Variants in NSUN2 observed in about 807,000 individuals in gnomAD.
NSUN2 encodes the protein RNA cytosine C(5)-methyltransferase NSUN2.
In NSUN2, 63 loss-of-function variants were observed where a neutral mutation model predicts 92.7. The observed-to-expected ratio is 0.68, with a 90% confidence interval of 0.56 to 0.84. The LOEUF is 0.84. NSUN2 is among the 40% of genes least tolerant of loss of function. The pLI is 0.00. For missense variants in NSUN2, 989 were observed against 964.9 expected, an observed-to-expected ratio of 1.02 and a Z score of -0.33; for synonymous variants, 356 against 348.3, an observed-to-expected ratio of 1.02 and a Z score of -0.25.
chr5:6,606,527 C>T (rs1237369991), intron 14 of NSUN2, among the ~76,000 whole-genome samples: 3 of 152,018 alleles, frequency 2.0e-5, no homozygotes, highest in African/African-American at 7.2e-5. Context: ...CCTCGTGCTC[C>T]GCCCGTCTCG....
intron 4 of NSUN2, 45 bp from the exon 5 acceptor site, chr5:6,623,330 A>AT: frequency 6.5e-7 from 1 of 1,538,694 alleles, no homozygotes; most frequent in Middle Eastern, 2.4e-4. Context: ...AAAAAAAAAA[A>AT]AACCGCAGAC....
chr5:6,602,106 C>G (rs945830891), intron 18 of NSUN2, among the ~76,000 whole-genome samples: 4 of 152,216 alleles, frequency 2.6e-5, no homozygotes, highest in African/African-American at 9.6e-5. Context: ...CATGGCTGAA[C>G]CAGCCATGAG....
At chr5:6,615,296 C>CA (rs1737163180) in intron 9 of NSUN2, among the ~76,000 whole-genome samples, 1 of 152,186 alleles carries the variant, frequency 6.6e-6, no homozygotes, top group Admixed American at 6.5e-5. Context: ...GCAAGGGAAA[C>CA]AGGAGGTGTC....
chr5:6,609,594 G>T (rs1228926812), intron 12 of NSUN2, among the ~76,000 whole-genome samples: 1 of 152,168 alleles, frequency 6.6e-6, no homozygotes, highest in Non-Finnish European at 1.5e-5. Context: ...AGTGTGGCAG[G>T]AATACATTCC....
At chr5:6,605,854 C>A (rs1736747110) in intron 14 of NSUN2, among the ~76,000 whole-genome samples, 1 of 99,342 alleles carries the variant, frequency 1.0e-5, no homozygotes, top group Non-Finnish European at 2.6e-5. Flanking sequence ...GCCACCACAC[C>A]TAATTTTTTT....
Position 6,599,843 on chromosome 5 carries a change from C to T in NSUN2, c.*83G>A. On this transcript the variant is annotated 3_prime_UTR_variant, in exon 19 of 19. Transcript: ENST00000264670. ...TATGCTTTACAGGCCACAGGCTGCT[C>T]TGGATTTGGTTTCAGACACCAGTGA... 1 of 1,245,748 alleles carries T rather than the reference C, an allele frequency of 8.0e-7. No homozygotes were observed. Among genetic ancestry groups the T allele is most frequent in the Non-Finnish European group, 1.1e-6 (1 of 877,620 alleles). 77.2% of individuals were successfully genotyped at this position (1,245,748 alleles called of 1,614,324 possible). A position where few individuals can be genotyped will look rare whatever the true frequency, so the allele number is the denominator to read the frequency against.
intron 5 of NSUN2, 92 bp from the exon 6 acceptor site, chr5:6,622,192 C>G: frequency 1.0e-6 from 1 of 983,198 alleles, no homozygotes; most frequent in Admixed American, 2.0e-5. Context: ...AATTTCTAGT[C>G]CAAGATCTAA....
chr5:6,605,966 G>A (rs1210113818), intron 14 of NSUN2, among the ~76,000 whole-genome samples: 1 of 151,978 alleles, frequency 6.6e-6, no homozygotes, highest in African/African-American at 2.4e-5. Context: ...GTGCTGGGAT[G>A]TGCCCGGCTG....
chr5:6,631,667 T>C (rs1234877407), intron 3 of NSUN2, among the ~76,000 whole-genome samples: 2 of 152,236 alleles, frequency 1.3e-5, no homozygotes, highest in African/African-American at 4.8e-5. Flanking sequence ...CTGAAATCAG[T>C]GACTCATAAA....
rs146647847 is a variant in NSUN2, at chr5:6,607,495, C to A, written c.1324-111G>T. On this transcript the variant is annotated intron_variant, in intron 12 of 18. Transcript: ENST00000264670. ...ATCCATCAGTTATATTTTTCTACAGCATTATATGTAGAGAAAGACAACAGA... is the reference window on the plus strand; with the variant it reads ...ATCCATCAGTTATATTTTTCTACAGAATTATATGTAGAGAAAGACAACAGA... 16 of 910,562 alleles carry A rather than the reference C, an allele frequency of 1.8e-5. No homozygotes were observed. In the African/African-American group the frequency reaches 2.3e-4, roughly 13 times the overall value. 56.4% of individuals were successfully genotyped at this position (910,562 alleles called of 1,614,324 possible). A position where few individuals can be genotyped will look rare whatever the true frequency, so the allele number is the denominator to read the frequency against.
intron 3 of NSUN2, among the ~76,000 whole-genome samples, chr5:6,629,996 G>A (rs769525754): frequency 5.3e-5 from 8 of 152,194 alleles, no homozygotes; most frequent in Non-Finnish European, 8.8e-5. Context: ...CCTTATAACA[G>A]TGTGAAAATG....
At chr5:6,606,604 A>G (rs926246696) in intron 14 of NSUN2, among the ~76,000 whole-genome samples, 1 of 151,608 alleles carries the variant, frequency 6.6e-6, no homozygotes, top group African/African-American at 2.4e-5. Context: ...TTTATCTATC[A>G]TGTTCACAAA....
At chr5:6,616,522 A>G (rs2126490714) in intron 9 of NSUN2, among the ~76,000 whole-genome samples, 1 of 152,298 alleles carries the variant, frequency 6.6e-6, no homozygotes. Context: ...GCTACTGTTT[A>G]AAGGAGTTCA....
At chr5:6,622,812 A>G (rs1737499722) in intron 5 of NSUN2, among the ~76,000 whole-genome samples, 1 of 148,788 alleles carries the variant, frequency 6.7e-6, no homozygotes, top group Non-Finnish European at 1.5e-5. Flanking sequence ...GCGCCACTGC[A>G]CTCCAGCCTG....
chr5:6,601,907 C>T (rs1292596510), intron 18 of NSUN2, among the ~76,000 whole-genome samples: 1 of 152,160 alleles, frequency 6.6e-6, no homozygotes, highest in Non-Finnish European at 1.5e-5. Context: ...AACTTTCTGT[C>T]CCGGCTTCCT....
In NSUN2 at chr5:6,617,994, A is replaced by T. The variant is rs745588270; in HGVS notation, c.846T>A (p.Asp282Glu). The T allele has an allele frequency of 1.2e-6, 2 of 1,613,854 alleles. No homozygotes were observed. Among genetic ancestry groups the T allele is most frequent in the South Asian group, 2.2e-5 (2 of 91,056 alleles). ...SGDGTMRKNIDVWKKWTTLNS... is the reference protein window; with the variant it reads ...SGDGTMRKNIEVWKKWTTLNS... ...TTAAGGTGGTCCACTTTTTCCAAAC[A>T]TCAATGTTTTTTCTCATAGTGCCGT... is the stretch of plus-strand genomic sequence containing the variant. Residue 282 changes from aspartate to glutamate, a missense_variant, in exon 8 of 19, where the codon GAT becomes GAA. Asp to Glu is a conservative substitution (Grantham distance 45). Around this residue, in one of 3 missense-constraint regions of NSUN2, gnomAD observed 626 missense variants for 602.3 expected, o/e 1.04. Coordinates refer to ENST00000264670, the MANE Select transcript of NSUN2 (RefSeq NM_017755.6).
chr5:6,627,275 A>G (rs1425752448), intron 3 of NSUN2, among the ~76,000 whole-genome samples: 1 of 152,248 alleles, frequency 6.6e-6, no homozygotes, highest in Non-Finnish European at 1.5e-5. Flanking sequence ...GGCATTTGCT[A>G]TAGTATTGGG....
chr5:6,620,169 A>G lies in NSUN2; in HGVS notation c.752T>C (p.Ile251Thr). ...HDASSIPRLQ[I>T]DVDGRKEILF... is the part of the protein sequence containing the mutation. ...GATCTCTTTCCTGCCGTCCACATCT[A>G]TCTGGAGCCTGGGTATGCTGGAGGC... The change falls in exon 7 of 19, where the codon ATA becomes ACA. Residue 251 changes from isoleucine to threonine, a missense_variant. This residue lies in a region of NSUN2 where 356 missense variants were observed against 338.6 expected (regional missense o/e 1.05). Transcript: ENST00000264670. 6.2e-7 allele frequency: 1 copy of G among 1,613,030 alleles called. No individual in the cohort carries two copies. Among genetic ancestry groups the G allele is most frequent in the Non-Finnish European group, 8.5e-7 (1 of 1,179,604 alleles).
intron 17 of NSUN2, 57 bp downstream of exon 17, chr5:6,604,081 T>C (rs1453558196): frequency 7.2e-6 from 11 of 1,526,042 alleles, no homozygotes; most frequent in African/African-American, 1.4e-5. Context: ...ACCTGCATTT[T>C]TGCTGGCCTT....
Sources: allele counts gnomAD v4.1 joint callset (sites outside exome capture counted in the v4.1 genomes callset), GRCh38; gene constraint gnomAD v4.1.1; regional missense constraint gnomAD v4.1.1; transcripts MANE v1.5; gene names NCBI Gene and HGNC (gene_info 2026-07-23, HGNC 2026-07-21).